CACNA1E: variants seen among roughly 807,000 people sequenced by gnomAD.
The protein encoded by CACNA1E is voltage-dependent R-type calcium channel subunit alpha-1E.
In CACNA1E, 40 loss-of-function variants were observed where a neutral mutation model predicts 259.2. That is an observed-to-expected ratio of 0.15 (90% CI 0.12 to 0.20). The LOEUF (loss-of-function observed/expected upper bound fraction) is 0.20. Ranked by LOEUF, CACNA1E falls within the 10% of genes least tolerant of loss-of-function variation. The pLI is 1.00. For missense variants in CACNA1E, 1,874 were observed against 3,040.1 expected (o/e 0.62, Z 9.02); for synonymous variants, 1,104 against 1,138.5 (o/e 0.97, Z 0.61).
At chr1:181,556,365 C>A (rs1056896060) in intron 3 of CACNA1E, among the ~76,000 whole-genome samples, 2 of 152,174 alleles carry the variant, frequency 1.3e-5, no homozygotes, top group Non-Finnish European at 2.9e-5. Flanking sequence ...ACTTTTGCTT[C>A]CTCATGTTTC....
At chr1:181,624,102 G>A (rs965236312) in intron 6 of CACNA1E, among the ~76,000 whole-genome samples, 1 of 152,148 alleles carries the variant, frequency 6.6e-6, no homozygotes, top group South Asian at 2.1e-4. Context: ...AAGAGAGTGG[G>A]GAGGGAGGTA....
At chr1:181,546,793 C>T (rs889525061) in intron 3 of CACNA1E, among the ~76,000 whole-genome samples, 12 of 152,196 alleles carry the variant, frequency 7.9e-5, no homozygotes, top group Non-Finnish European at 1.2e-4. Context: ...ATATCAGTGT[C>T]GGGCCATTTC....
At chr1:181,446,192 T>C (rs1465774881) in intron 2 of CACNA1E, among the ~76,000 whole-genome samples, 1 of 152,192 alleles carries the variant, frequency 6.6e-6, no homozygotes, top group African/African-American at 2.4e-5. Context: ...TGGGAGAGGA[T>C]GTGGCAGGGG....
intron 1 of CACNA1E, among the ~76,000 whole-genome samples, chr1:181,383,760 C>T (rs1406219191): frequency 6.6e-6 from 1 of 152,240 alleles, no homozygotes; most frequent in Non-Finnish European, 1.5e-5. Flanking sequence ...CTATATTTCC[C>T]TGCCTCCCTT....
intron 3 of CACNA1E, among the ~76,000 whole-genome samples, chr1:181,516,289 C>T (rs1052375038): frequency 2.0e-5 from 3 of 151,232 alleles, no homozygotes; most frequent in Non-Finnish European, 4.4e-5. Flanking sequence ...TATCACATCA[C>T]CTAGCGTTTA....
At chr1:181,486,689 T>C (rs1318095908) in intron 1 of CACNA1E, among the ~76,000 whole-genome samples, 2 of 152,198 alleles carry the variant, frequency 1.3e-5, no homozygotes, top group African/African-American at 4.8e-5. Flanking sequence ...ATAATAATAC[T>C]GGGAGAATTA....
intron 8 of CACNA1E, among the ~76,000 whole-genome samples, chr1:181,713,807 A>G (rs1053012326): frequency 3.3e-5 from 5 of 152,096 alleles, no homozygotes; most frequent in African/African-American, 1.2e-4. Flanking sequence ...GAGAAGGGCT[A>G]TTTTGTTGAT....
chr1:181,698,020 C>T (rs1651879553), intron 7 of CACNA1E, among the ~76,000 whole-genome samples: 1 of 152,204 alleles, frequency 6.6e-6, no homozygotes, highest in Non-Finnish European at 1.5e-5. Context: ...TCTGGAGAGT[C>T]TGCTTTGAAG....
rs960313539 is a variant in CACNA1E, at chr1:181,732,648, G to T, written c.2562G>T (p.Gly854=). 1.3e-6 allele frequency: 2 copies of T among 1,507,600 alleles called. No homozygotes were observed. The highest frequency in any genetic ancestry group is 1.8e-6 in the Non-Finnish European group (2 of 1,130,286). The allele number at this position is 1,507,600 out of a possible 1,614,324, so 93.4% of individuals were successfully genotyped here. A position where few individuals can be genotyped will look rare whatever the true frequency, so the allele number is the denominator to read the frequency against. ...AGGAGGAGCGCATCAGCCGTGGGGG[G>T]TCCCTCAAGGGGGATGGAGGGGACC... The part of the protein sequence containing the change: ...KFEEERISRG[G]SLKGDGGDRS... Residue 854 remains glycine, a synonymous_variant, in exon 20 of 48, where the codon GGG becomes GGT. Transcript: ENST00000367573. The surrounding 1 kb of genome is among the most constrained non-coding windows in gnomAD (Gnocchi z 5.5).
chr1:181,722,587 T>C (rs192073267), intron 16 of CACNA1E, among the ~76,000 whole-genome samples: 40 of 152,340 alleles, frequency 2.6e-4, no homozygotes, highest in Middle Eastern at 3.4e-3. Flanking sequence ...TTCTATTTTT[T>C]ACAACTGAAA....
rs373484172 is a variant in CACNA1E, at chr1:181,795,012, G to A, written c.6176G>A (p.Arg2059Gln). The A allele has an allele frequency of 5.0e-6, 8 of 1,613,962 alleles. No individual in the cohort carries two copies. Among genetic ancestry groups the A allele is most frequent in the South Asian group, 1.1e-5 (1 of 91,066 alleles). The change falls in exon 46 of 48, where the codon CGG (arginine) becomes CAG (glutamine). Residue 2059 changes from arginine to glutamine, a missense_variant. By Grantham distance (43) the Arg-to-Gln change is conservative. Transcript: ENST00000367573. ...CGCCGGAGTTACCACTCCTCCTTGC[G>A]GCTGTCAGCCCACCGCCTGAACTCT... ...SRRRSYHSSL[R>Q]LSAHRLNSDS...
intron 7 of CACNA1E, among the ~76,000 whole-genome samples, chr1:181,669,838 G>C (rs761945652): frequency 1.3e-4 from 20 of 152,104 alleles, no homozygotes; most frequent in Non-Finnish European, 2.9e-4. Context: ...ACTTGTAGTA[G>C]GACTCCAAGA....
intron 1 of CACNA1E, among the ~76,000 whole-genome samples, chr1:181,348,526 T>C (rs1264405139): frequency 1.3e-5 from 2 of 152,142 alleles, no homozygotes; most frequent in Non-Finnish European, 2.9e-5. Context: ...TACAAGCCAC[T>C]GAGTCTCCAG....
At chr1:181,610,619 C>T (rs893597140) in intron 6 of CACNA1E, among the ~76,000 whole-genome samples, 1 of 152,168 alleles carries the variant, frequency 6.6e-6, no homozygotes, top group Non-Finnish European at 1.5e-5. Flanking sequence ...TGAATTTGAT[C>T]ATCTAAGGTC....
intron 3 of CACNA1E, among the ~76,000 whole-genome samples, chr1:181,558,366 A>G (rs2102874223): frequency 6.6e-6 from 1 of 152,268 alleles, no homozygotes; most frequent in East Asian, 1.9e-4. Flanking sequence ...CATGCCAAGC[A>G]CCTTAGTTTG....
At chr1:181,780,663 G>A (rs1660345630) in intron 38 of CACNA1E, among the ~76,000 whole-genome samples, 1 of 152,220 alleles carries the variant, frequency 6.6e-6, no homozygotes, top group African/African-American at 2.4e-5. Flanking sequence ...GAGAGCTGGG[G>A]AGGGTAGCAT....
chr1:181,421,592 C>T (rs1273082256), intron 2 of CACNA1E, among the ~76,000 whole-genome samples: 2 of 152,246 alleles, frequency 1.3e-5, no homozygotes, highest in African/African-American at 2.4e-5. Context: ...TCCTGATCCT[C>T]TTCTGATCCT....
intron 7 of CACNA1E, chr1:181,652,222 G>A (rs1034369700): frequency 2.6e-5 from 4 of 152,206 alleles, no homozygotes; most frequent in African/African-American, 7.2e-5. Context: ...GTCATGGAGT[G>A]TGAAGAAATT....
intron 9 of CACNA1E, 46 bp from the exon 10 acceptor site, chr1:181,715,994 G>A: frequency 1.5e-6 from 2 of 1,357,724 alleles, no homozygotes; most frequent in South Asian, 1.2e-5. Flanking sequence ...AGAATGGTCT[G>A]GGTGTACTTG....
Sources: allele counts gnomAD v4.1 joint callset (sites outside exome capture counted in the v4.1 genomes callset), GRCh38; gene constraint gnomAD v4.1.1; non-coding constraint Gnocchi (gnomAD v3.1); transcripts MANE v1.5; gene names NCBI Gene and HGNC (gene_info 2026-07-23, HGNC 2026-07-21).